FGF18: variants seen among roughly 807,000 people sequenced by gnomAD.
FGF18 encodes fibroblast growth factor 18.
Under a neutral mutation model 23.0 loss-of-function variants are expected in FGF18, and 5 were observed. That is an observed-to-expected ratio of 0.22 (90% CI 0.11 to 0.46). FGF18 has a LOEUF of 0.46. Ranked by LOEUF, FGF18 falls within the 20% of genes least tolerant of loss-of-function variation. FGF18 has a pLI of 0.99. For missense variants in FGF18, 180 were observed against 291.6 expected (o/e 0.62, Z 2.79); for synonymous variants, 117 against 118.9 (o/e 0.98, Z 0.10).
chr5:171,456,718 C>CA lies in FGF18; in HGVS notation c.539dup (p.Gln182AlafsTer57), dbSNP rs1772587070. On this transcript the variant is annotated frameshift_variant, in exon 5 of 5. Transcript: ENST00000274625. LOFTEE classifies it high-confidence loss of function. This position sits in a 1 kb window ranked among gnomAD's most constrained non-coding sequence, Gnocchi z 6.1. ...ACGTGCATTTCATGAAGCGCTACCCCAAGGGGCAGCCGGAGCTTCAGAAGC... is the reference window on the plus strand; with the variant it reads ...ACGTGCATTTCATGAAGCGCTACCCCAAAGGGGCAGCCGGAGCTTCAGAAGC... 6.2e-7 allele frequency: 1 copy of CA among 1,613,896 alleles called. No individual in the cohort carries two copies. Among genetic ancestry groups the CA allele is most frequent in the African/African-American group, 1.3e-5 (1 of 74,870 alleles).
rs866293258 is a variant in FGF18, at chr5:171,422,835, C to T, written c.69+2392C>T. 1.3e-5 allele frequency among the ~76,000 whole-genome samples: 2 copies of T among 152,174 alleles called. 1 individual carries two copies. Among genetic ancestry groups the T allele is most frequent in the South Asian group, 4.2e-4 (2 of 4,816 alleles). On this transcript the variant is annotated intron_variant, in intron 2 of 4. Transcript: ENST00000274625. ...GGGCTTTGCAATCCAGTGGCCTAGG[C>T]CTGAACCCCAGCTCCAGCTCCATCT...
chr5:171,430,149 G>C (rs914327316), intron 2 of FGF18, among the ~76,000 whole-genome samples: 2 of 151,776 alleles, frequency 1.3e-5, no homozygotes, highest in Non-Finnish European at 2.9e-5. Flanking sequence ...ATGAGGTCAG[G>C]AGTTCAAGAC....
In FGF18 at chr5:171,436,153, C is replaced by T. The variant is rs1772242416; in HGVS notation, c.130C>T (p.Arg44Trp). The change falls in exon 3 of 5, where the codon CGG becomes TGG. Residue 44 changes from arginine to tryptophan, a missense_variant. By Grantham distance (101) the Arg-to-Trp change is moderately radical (BLOSUM62 -3). Around this residue, in one of 3 missense-constraint regions of FGF18, gnomAD observed 57 missense variants for 59.8 expected, o/e 0.95. Coordinates refer to ENST00000274625, the MANE Select transcript of FGF18 (RefSeq NM_003862.3). The surrounding 1 kb of genome is among the most constrained non-coding windows in gnomAD (Gnocchi z 4.4). ...CCACGTGGAGAACCAGACGCGGGCT[C>T]GGGACGATGTGAGCCGTAAGCAGCT... ...RIHVENQTRA[R>W]DDVSRKQLRL... 6.2e-7 allele frequency: 1 copy of T among 1,600,274 alleles called. No individual in the cohort carries two copies. The highest frequency in any genetic ancestry group is 8.5e-7 in the Non-Finnish European group (1 of 1,171,734).
chr5:171,427,328 A>G (rs752853927), intron 2 of FGF18, among the ~76,000 whole-genome samples: 2 of 152,362 alleles, frequency 1.3e-5, no homozygotes, highest in Non-Finnish European at 2.9e-5. Context: ...AGTAAAAGTA[A>G]TTGTTCAATC....
intron 2 of FGF18, among the ~76,000 whole-genome samples, chr5:171,425,991 C>T (rs1055351005): frequency 5.3e-5 from 8 of 152,142 alleles, no homozygotes; most frequent in South Asian, 2.1e-4. Context: ...TGTGTCTGTC[C>T]GGCTCTAGGA....
At chr5:171,445,076 T>A (rs1772399899) in intron 3 of FGF18, among the ~76,000 whole-genome samples, 1 of 152,126 alleles carries the variant, frequency 6.6e-6, no homozygotes, top group South Asian at 2.1e-4. Context: ...AAGGCCTCTC[T>A]GAGGGGCAAT....
At chr5:171,448,975 T>G (rs1351734196) in intron 3 of FGF18, among the ~76,000 whole-genome samples, 172 bp from the exon 4 acceptor site, 1 of 152,090 alleles carries the variant, frequency 6.6e-6, no homozygotes, top group South Asian at 2.1e-4. Context: ...TTCTCTGACT[T>G]CTCTGTGGTT....
chr5:171,442,521 C>A (rs541018828), intron 3 of FGF18, among the ~76,000 whole-genome samples: 1 of 152,224 alleles, frequency 6.6e-6, no homozygotes, highest in African/African-American at 2.4e-5. Context: ...CCAGCCCTCG[C>A]AGGGCCCCAG....
chr5:171,424,203 G>A (rs1275450006), intron 2 of FGF18, among the ~76,000 whole-genome samples: 1 of 152,224 alleles, frequency 6.6e-6, no homozygotes, highest in South Asian at 2.1e-4. Context: ...CCAGTTTAAA[G>A]GGAGAAAGTG....
At chr5:171,430,106 C>T (rs1464635545) in intron 2 of FGF18, among the ~76,000 whole-genome samples, 1 of 152,168 alleles carries the variant, frequency 6.6e-6, no homozygotes, top group Non-Finnish European at 1.5e-5. Flanking sequence ...CGCCTGTAAT[C>T]CCAGCACTTT....
chr5:171,437,022 G>GC (rs1772257064), intron 3 of FGF18, among the ~76,000 whole-genome samples: 1 of 152,208 alleles, frequency 6.6e-6, no homozygotes, highest in South Asian at 2.1e-4. Context: ...AAATTGCCAG[G>GC]CCGGAAAAGC....
At chr5:171,442,896 C>T (rs896962395) in intron 3 of FGF18, among the ~76,000 whole-genome samples, 2 of 152,204 alleles carry the variant, frequency 1.3e-5, no homozygotes, top group African/African-American at 2.4e-5. Flanking sequence ...CACCAGCCTG[C>T]GTAAGGTCTG....
rs572574720 is a variant in FGF18, at chr5:171,430,526, C to T, written c.70-5567C>T. Among the ~76,000 whole-genome samples, 55 of 144,664 alleles carry T rather than the reference C, an allele frequency of 3.8e-4. 3 individuals carry two copies. Among genetic ancestry groups the T allele is most frequent in the African/African-American group, 1.5e-3 (52 of 34,620 alleles). 94.9% of individuals were successfully genotyped at this position (144,664 alleles called of 152,430 possible). On this transcript the variant is annotated intron_variant, in intron 2 of 4. Coordinates refer to ENST00000274625, the MANE Select transcript of FGF18 (RefSeq NM_003862.3). ...AAAGAGGGCCGGGCGCGGTGGCTCA[C>T]GCCTGTAATCCCAGCACTTTGGGAG...
chr5:171,456,693 A>G lies in FGF18; in HGVS notation c.512A>G (p.Asp171Gly). The G allele has an allele frequency of 6.2e-7, 1 of 1,614,000 alleles. No individual in the cohort carries two copies. The highest frequency in any genetic ancestry group is 8.5e-7 in the Non-Finnish European group (1 of 1,179,970). ...KGPKTRENQQ[D>G]VHFMKRYPKG... Reference sequence around the variant, plus strand: ...CCCAAGACCCGGGAGAACCAGCAGGACGTGCATTTCATGAAGCGCTACCCC... The same window carrying G: ...CCCAAGACCCGGGAGAACCAGCAGGGCGTGCATTTCATGAAGCGCTACCCC... The change falls in exon 5 of 5, where the codon GAC (aspartate) becomes GGC (glycine). Residue 171 changes from aspartate (D) to glycine (G), a missense_variant. Transcript: ENST00000274625. The surrounding 1 kb of genome is among the most constrained non-coding windows in gnomAD (Gnocchi z 6.1).
rs371165657 is a variant in FGF18, at chr5:171,446,828, C to A, written c.251-2319C>A. ...GGCAATGCCAGAATGAAACTAGACC[C>A]GGTGAGCCCCAGCCCCAGGCATTTT... On this transcript the variant is annotated intron_variant, in intron 3 of 4. Coordinates refer to ENST00000274625, the MANE Select transcript of FGF18 (RefSeq NM_003862.3). Among the ~76,000 whole-genome samples, 11 of 152,104 alleles carry A rather than the reference C, an allele frequency of 7.2e-5. No homozygotes were observed. In the East Asian group the frequency reaches 9.7e-4, roughly 13 times the overall value.
intron 2 of FGF18, among the ~76,000 whole-genome samples, chr5:171,422,318 A>T (rs897556900): frequency 6.6e-6 from 1 of 151,892 alleles, no homozygotes; most frequent in Non-Finnish European, 1.5e-5. Flanking sequence ...CAGGTGAGGG[A>T]TCCTCCTCTC....
chr5:171,456,831 C>A lies in FGF18; in HGVS notation c.*26C>A. On this transcript the variant is annotated 3_prime_UTR_variant, in exon 5 of 5. Transcript: ENST00000274625. The surrounding 1 kb of genome is among the most constrained non-coding windows in gnomAD (Gnocchi z 6.1). Reference sequence around the variant, plus strand: ...GCCACCCCGCCGCGGCCCCTCAGGTCGCCCTGGCCACACTCACACTCCCAG... The same window carrying A: ...GCCACCCCGCCGCGGCCCCTCAGGTAGCCCTGGCCACACTCACACTCCCAG... 1 of 1,584,524 alleles carries A rather than the reference C, an allele frequency of 6.3e-7. No individual in the cohort carries two copies. The highest frequency in any genetic ancestry group is 1.1e-5 in the South Asian group (1 of 87,760).
chr5:171,437,222 C>T (rs770561543), intron 3 of FGF18, among the ~76,000 whole-genome samples: 10 of 152,186 alleles, frequency 6.6e-5, no homozygotes, highest in African/African-American at 1.2e-4. Flanking sequence ...GACGATGCCC[C>T]GCCTGCCTGC....
chr5:171,427,777 C>T (rs180912413), intron 2 of FGF18, among the ~76,000 whole-genome samples: 2 of 152,338 alleles, frequency 1.3e-5, no homozygotes, highest in Non-Finnish European at 2.9e-5. Context: ...AGAGATGGCA[C>T]GTACTTCGAG....
Sources: gnomAD v4.1 joint callset for allele counts (sites outside exome capture counted in the v4.1 genomes callset) on GRCh38, gnomAD v4.1.1 for gene constraint, gnomAD v4.1.1 regional missense constraint, Gnocchi (gnomAD v3.1) non-coding constraint, MANE v1.5 for transcripts, NCBI Gene and HGNC (gene_info 2026-07-23, HGNC 2026-07-21) for gene names.